Variants in TYW1B observed in about 807,000 individuals in gnomAD.
The protein encoded by TYW1B is S-adenosyl-L-methionine-dependent tRNA 4-demethylwyosine synthase TYW1B.
TYW1B carries 73 observed loss-of-function variants against 86.9 expected under a neutral mutation model. The ratio of observed to expected loss-of-function variants is 0.84; its 90% CI spans 0.70 to 1.02. The LOEUF (loss-of-function observed/expected upper bound fraction) is 1.02. Among genes scored for constraint, TYW1B ranks in the 50% least tolerant of loss-of-function variants. The pLI is 0.00. For missense variants in TYW1B, 637 were observed against 827.4 expected (o/e 0.77, Z 2.82); for synonymous variants, 248 against 292.8 (o/e 0.85, Z 1.56).
intron 9 of TYW1B, among the ~76,000 whole-genome samples, chr7:72,718,914 T>C (rs375431490): frequency 6.6e-6 from 1 of 152,110 alleles, no homozygotes; most frequent in African/African-American, 2.4e-5. Flanking sequence ...GTTCACACTC[T>C]AGCTCCACCG....
chr7:72,599,191 C>A (rs2129568008), intron 13 of TYW1B, among the ~76,000 whole-genome samples: 1 of 152,186 alleles, frequency 6.6e-6, no homozygotes, highest in South Asian at 2.1e-4. Flanking sequence ...TATGCCATGA[C>A]CAAGTGGGAC....
intron 13 of TYW1B, among the ~76,000 whole-genome samples, chr7:72,600,508 T>C (rs1487834892): frequency 6.6e-6 from 1 of 152,204 alleles, no homozygotes; most frequent in Non-Finnish European, 1.5e-5. Flanking sequence ...AGTTGGACTT[T>C]ATTAAAATTG....
chr7:72,723,593 C>A (rs1433125396), intron 9 of TYW1B, among the ~76,000 whole-genome samples: 3 of 152,010 alleles, frequency 2.0e-5, no homozygotes, highest in African/African-American at 4.8e-5. Flanking sequence ...GTAGTGAGAC[C>A]CCCCATATCT....
At chr7:72,586,524 G>A (rs1177280406) in intron 13 of TYW1B, among the ~76,000 whole-genome samples, 1 of 152,140 alleles carries the variant, frequency 6.6e-6, no homozygotes, top group Non-Finnish European at 1.5e-5. Context: ...ATCACCTGAG[G>A]TCAGGAGTTT....
intron 10 of TYW1B, among the ~76,000 whole-genome samples, chr7:72,702,823 A>G (rs1814505241): frequency 6.6e-6 from 1 of 151,904 alleles, no homozygotes; most frequent in African/African-American, 2.4e-5. Flanking sequence ...GCCTTTGGTT[A>G]ATTTCCACAG....
At chr7:72,577,827 C>A (rs1194394593) in intron 13 of TYW1B, among the ~76,000 whole-genome samples, 1 of 152,206 alleles carries the variant, frequency 6.6e-6, no homozygotes. Context: ...ACGTGACGCC[C>A]AAGCTGTTCC....
chr7:72,640,749 T>C (rs1239189175), intron 11 of TYW1B, among the ~76,000 whole-genome samples: 4 of 150,302 alleles, frequency 2.7e-5, no homozygotes, highest in African/African-American at 1.0e-4. Context: ...TGTACACATC[T>C]CTCTCAGTAA....
At chr7:72,802,912 C>T (rs1172419033) in intron 5 of TYW1B, among the ~76,000 whole-genome samples, 1 of 152,114 alleles carries the variant, frequency 6.6e-6, no homozygotes, top group African/African-American at 2.4e-5. Flanking sequence ...TCAACAACAG[C>T]GCTCGGCTGT....
chr7:72,752,002 G>C (rs1190187928), intron 7 of TYW1B, among the ~76,000 whole-genome samples: 2 of 152,214 alleles, frequency 1.3e-5, no homozygotes, highest in Non-Finnish European at 2.9e-5. Flanking sequence ...AGGCCAGGCT[G>C]CTTTTGTGGC....
chr7:72,649,946 G>A (rs1241107199), intron 11 of TYW1B, among the ~76,000 whole-genome samples: 2 of 152,074 alleles, frequency 1.3e-5, no homozygotes, highest in African/African-American at 2.4e-5. Context: ...CTGGAGTGCA[G>A]CGGTGCAATC....
intron 11 of TYW1B, among the ~76,000 whole-genome samples, chr7:72,652,353 G>A (rs1414786010): frequency 7.0e-6 from 1 of 141,988 alleles, no homozygotes; most frequent in Non-Finnish European, 1.5e-5. Flanking sequence ...ACTCCAGCCT[G>A]GGCGACAGAG....
At chr7:72,725,286 A>G (rs1321158991) in intron 9 of TYW1B, among the ~76,000 whole-genome samples, 1 of 152,134 alleles carries the variant, frequency 6.6e-6, no homozygotes, top group Non-Finnish European at 1.5e-5. Context: ...AGCAGAAAGA[A>G]ATGAAGGTGT....
chr7:72,658,471 T>C lies in TYW1B; in HGVS notation c.1507-29474A>G, dbSNP rs528045819. 1.3e-3 allele frequency among the ~76,000 whole-genome samples: 194 copies of C among 152,298 alleles called. 6 individuals are homozygous for C. In the South Asian group the frequency reaches 0.039, roughly 31 times the overall value. ...GTATAGTTAGTATAAACTAAACACG[T>C]CAATAAAGATGGTTTCTAAATTATA... On this transcript the variant is annotated intron_variant, in intron 11 of 13. Coordinates refer to ENST00000620995, the MANE Select transcript of TYW1B (RefSeq NM_001145440.3).
In TYW1B at chr7:72,703,730, C is replaced by T. The variant is rs139920876; in HGVS notation, c.1371-8908G>A. Among the ~76,000 whole-genome samples, 251 of 151,728 alleles carry T rather than the reference C, an allele frequency of 1.7e-3. 1 individual carries two copies. The highest frequency in any genetic ancestry group is 5.7e-3 in the African/African-American group (237 of 41,406). The stretch of plus-strand genomic sequence containing the variant: ...AATTAGCTGGTGTGGTGGCGCGCGC[C>T]GGTAGTCCTAGCTACTGGGGATGGT... On this transcript the variant is annotated intron_variant, in intron 10 of 13. Transcript: ENST00000620995.
chr7:72,629,430 C>G (rs1391456514), intron 11 of TYW1B, among the ~76,000 whole-genome samples: 1 of 152,142 alleles, frequency 6.6e-6, no homozygotes, highest in Admixed American at 6.6e-5. Context: ...CTTTCCTACT[C>G]CCTCATTATT....
At chr7:72,601,367 T>C (rs1430593470) in intron 13 of TYW1B, among the ~76,000 whole-genome samples, 1 of 151,146 alleles carries the variant, frequency 6.6e-6, no homozygotes, top group South Asian at 2.1e-4. Context: ...AAAAACCTGA[T>C]ATACACCAAA....
At chr7:72,710,980 C>T (rs1352548209) in intron 10 of TYW1B, among the ~76,000 whole-genome samples, 3 of 152,078 alleles carry the variant, frequency 2.0e-5, no homozygotes, top group Non-Finnish European at 4.4e-5. Flanking sequence ...TTTTAAGTTC[C>T]ACCTCCCTTT....
intron 9 of TYW1B, among the ~76,000 whole-genome samples, chr7:72,719,080 C>T (rs1459315333): frequency 6.6e-6 from 1 of 152,062 alleles, no homozygotes; most frequent in Non-Finnish European, 1.5e-5. Flanking sequence ...CCAGGCCCAG[C>T]ACATACACAT....
chr7:72,620,406 C>CAAAACAAA (rs1379094693), intron 12 of TYW1B, among the ~76,000 whole-genome samples: 2 of 152,152 alleles, frequency 1.3e-5, no homozygotes, highest in Non-Finnish European at 2.9e-5. Flanking sequence ...CAAAACAAAA[C>CAAAACAAA]AAAACAAAAA....
Sources: allele counts gnomAD v4.1 joint callset (sites outside exome capture counted in the v4.1 genomes callset), GRCh38; gene constraint gnomAD v4.1.1; transcripts MANE v1.5; gene names NCBI Gene and HGNC (gene_info 2026-07-23, HGNC 2026-07-21).